The following XPNPEP2 variants were observed in gnomAD, a reference collection of about 807,000 sequenced individuals.
XPNPEP2 encodes X-prolyl aminopeptidase 2, also known as xaa-Pro aminopeptidase 2.
In XPNPEP2, 64 loss-of-function variants were observed where a neutral mutation model predicts 59.8. The observed-to-expected ratio is 1.07, with a 90% CI of 0.87 to 1.32. The LOEUF (loss-of-function observed/expected upper bound fraction) is 1.32, where lower values mean the gene tolerates loss of function less well. Among genes scored for constraint, XPNPEP2 ranks in the 40% most tolerant of loss-of-function variants. The pLI, the probability that XPNPEP2 is intolerant of heterozygous loss-of-function variation, is 0.00. For missense variants in XPNPEP2, 575 were observed against 546.8 expected (o/e 1.05, Z -0.51); for synonymous variants, 235 against 210.0 (o/e 1.12, Z -1.03).
intron 19 of XPNPEP2, among the ~76,000 whole-genome samples, chrX:129,765,244 T>C: frequency 9.0e-6 from 1 of 111,679 alleles, no homozygotes; most frequent in Non-Finnish European, 1.9e-5. Flanking sequence ...GAGCCTATAG[T>C]ATGTGGATGT....
Position 129,768,601 on chromosome X carries a change from C to T in XPNPEP2, c.*116C>T. Reference sequence around the variant, plus strand: ...CCCTGCTGGCCCATTGCCTAGAAACCTTTGCATTCATCCTCCTTCTCCAAG... The same window carrying T: ...CCCTGCTGGCCCATTGCCTAGAAACTTTTGCATTCATCCTCCTTCTCCAAG... On this transcript the variant is annotated 3_prime_UTR_variant, in exon 21 of 21. Transcript: ENST00000371106. 1 of 657,638 alleles carries T rather than the reference C, an allele frequency of 1.5e-6. No individual in the cohort carries two copies. Among genetic ancestry groups the T allele is most frequent in the South Asian group, 5.1e-5 (1 of 19,764 alleles). 54.2% of individuals were successfully genotyped at this position (657,638 alleles called of 1,213,427 possible).
chrX:129,755,598 G>A (rs1024345464), intron 13 of XPNPEP2, among the ~76,000 whole-genome samples: 1 of 112,160 alleles, frequency 8.9e-6, no homozygotes, highest in South Asian at 3.7e-4. Flanking sequence ...GGAAGACACC[G>A]ATGCCATTGG....
rs146126448 is a variant in XPNPEP2, at chrX:129,745,959, G to A, written c.299-277G>A. Among the ~76,000 whole-genome samples the A allele has an allele frequency of 2.6e-4, 29 of 111,152 alleles. No individual in the cohort carries two copies. The East Asian group carries it at 4.0e-3, about 15-fold the overall frequency. On this transcript the variant is annotated intron_variant, in intron 4 of 20. Coordinates refer to ENST00000371106, the MANE Select transcript of XPNPEP2 (RefSeq NM_003399.6). ...GCTGAGCCCCATCTTTCCTGAGAGCGCCTACATGCAGCCAAAAGTTGACCT... is the reference window on the plus strand; with the variant it reads ...GCTGAGCCCCATCTTTCCTGAGAGCACCTACATGCAGCCAAAAGTTGACCT...
At chrX:129,765,292 G>T (rs1926728387) in intron 19 of XPNPEP2, among the ~76,000 whole-genome samples, 2 of 111,733 alleles carry the variant, frequency 1.8e-5, no homozygotes, top group African/African-American at 6.5e-5. Context: ...TATTGAGGCT[G>T]TTTCCAAATT....
chrX:129,750,038 A>G (rs1346119449), intron 7 of XPNPEP2, among the ~76,000 whole-genome samples: 2 of 113,044 alleles, frequency 1.8e-5, no homozygotes, highest in East Asian at 5.5e-4. Flanking sequence ...TCCTTCAACT[A>G]GGACTGCTCT....
At position 129,752,342 on chromosome X, in the gene XPNPEP2, C is replaced by A; in HGVS notation, c.1014C>A (p.Pro338=). The change falls in exon 10 of 21, where the codon CCC becomes CCA. Residue 338 remains proline, a synonymous_variant. Transcript: ENST00000371106. ...TGTATGGGATCTATGAAATGATACC[C>A]AAGGTGGGTTTGCCAGGCCCCAGCC... ...YTMYGIYEMI[P]KEKLVTDTYS... is the part of the protein sequence containing the mutation. 8.3e-7 allele frequency: 1 copy of A among 1,209,624 alleles called. No individual in the cohort carries two copies. Among genetic ancestry groups the A allele is most frequent in the African/African-American group, 1.7e-5 (1 of 57,734 alleles).
chrX:129,743,988 A>T lies in XPNPEP2; in HGVS notation c.151A>T (p.Thr51Ser). Residue 51 changes from threonine (T) to serine (S), a missense_variant, in exon 3 of 21, where the codon ACA (threonine) becomes TCA (serine). Coordinates refer to ENST00000371106, the MANE Select transcript of XPNPEP2 (RefSeq NM_003399.6). Reference protein sequence around the residue: ...PYLPVTVVNTTMSLTALRQQM... With the variant: ...PYLPVTVVNTSMSLTALRQQM... Reference sequence around the variant, plus strand: ...CCTTCCAGTTACTGTGGTCAATACCACAATGTCACTCACAGCCCTCCGCCA... The same window carrying T: ...CCTTCCAGTTACTGTGGTCAATACCTCAATGTCACTCACAGCCCTCCGCCA... 1 of 1,211,867 alleles carries T rather than the reference A, an allele frequency of 8.3e-7. No individual in the cohort carries two copies. The highest frequency in any genetic ancestry group is 1.8e-5 in the South Asian group (1 of 56,996).
chrX:129,742,958 G>C (rs1321738409), intron 2 of XPNPEP2, among the ~76,000 whole-genome samples: 1 of 111,849 alleles, frequency 8.9e-6, no homozygotes, highest in East Asian at 2.8e-4. Flanking sequence ...GGGCAAGAGA[G>C]GGAGGCCTAG....
chrX:129,760,139 A>C (rs1569477512), intron 15 of XPNPEP2, among the ~76,000 whole-genome samples: 1 of 112,591 alleles, frequency 8.9e-6, no homozygotes, highest in Admixed American at 9.4e-5. Context: ...ATCGCAGATA[A>C]GGAAACTGAG....
Position 129,745,226 on chromosome X carries a change from C to G in XPNPEP2, c.258C>G (p.Asp86Glu), listed in dbSNP as rs143695947. Reference sequence around the variant, plus strand: ...AGAACGAGTACATCGGCCAACATGACGAGAGGCGTGCGTGGATTACAGGCT... The same window carrying G: ...AGAACGAGTACATCGGCCAACATGAGGAGAGGCGTGCGTGGATTACAGGCT... ...AHMNEYIGQHDERRAWITGFT... is the reference protein window; with the variant it reads ...AHMNEYIGQHEERRAWITGFT... Residue 86 changes from aspartate to glutamate, a missense_variant, in exon 4 of 21, where the codon GAC (aspartate) becomes GAG (glutamate). By Grantham distance (45) the Asp-to-Glu change is conservative. Transcript: ENST00000371106. 8.3e-7 allele frequency: 1 copy of G among 1,209,505 alleles called. No homozygotes were observed. Among genetic ancestry groups the G allele is most frequent in the Non-Finnish European group, 1.1e-6 (1 of 895,150 alleles).
chrX:129,756,831 T>C (rs1013389771), intron 14 of XPNPEP2, among the ~76,000 whole-genome samples: 12 of 103,434 alleles, frequency 1.2e-4, no homozygotes, highest in Non-Finnish European at 1.9e-4. Flanking sequence ...TTTTTGTGGG[T>C]TGTTTGTTTG....
chrX:129,754,403 C>G, intron 11 of XPNPEP2, 69 bp from the exon 12 acceptor site: 13 of 985,656 alleles, frequency 1.3e-5, no homozygotes, highest in Middle Eastern at 3.5e-4. Flanking sequence ...TGATCTCCAT[C>G]ATCTTGGAGC....
At chrX:129,757,796 GAAGA>G (rs57433903) in intron 14 of XPNPEP2, among the ~76,000 whole-genome samples, 4,409 of 33,424 alleles carry the variant, frequency 0.13, 307 homozygotes, top group Middle Eastern at 0.15. Flanking sequence ...ACTATAAAAG[GAAGA>G]AAGAAAGAAA....
chrX:129,757,260 T>C (rs773416864), intron 14 of XPNPEP2, among the ~76,000 whole-genome samples: 26 of 107,664 alleles, frequency 2.4e-4, no homozygotes, highest in Non-Finnish European at 4.6e-4. Flanking sequence ...TAAGTCCACG[T>C]ATTATTACAC....
In XPNPEP2 at chrX:129,746,228, T is replaced by C. The variant is rs1379531105; in HGVS notation, c.299-8T>C. 4.1e-6 allele frequency: 5 copies of C among 1,206,895 alleles called. No homozygotes were observed. In the African/African-American group the frequency reaches 7.0e-5, roughly 17 times the overall value. The stretch of plus-strand genomic sequence containing the variant: ...CCCTCACCTGCAAGTTTCTCTGTTC[T>C]GCCCCAGGAACTGCAGTGGTGACTA... On this transcript the variant is annotated splice_polypyrimidine_tract_variant and splice_region_variant and intron_variant, in intron 4 of 20. Transcript: ENST00000371106.
intron 14 of XPNPEP2, among the ~76,000 whole-genome samples, chrX:129,757,071 CAT>C (rs1247204801): frequency 8.2e-5 from 8 of 97,809 alleles, no homozygotes; most frequent in Middle Eastern, 5.1e-3. Context: ...TATACACACA[CAT>C]ACACACACAC....
rs746338855 is a variant in XPNPEP2, at chrX:129,768,673, C to T, written c.*188C>T. 107 of 372,629 alleles carry T rather than the reference C, an allele frequency of 2.9e-4. No individual in the cohort carries two copies. The highest frequency in any genetic ancestry group is 2.5e-3 in the African/African-American group (97 of 38,191). 30.7% of individuals were successfully genotyped at this position (372,629 alleles called of 1,213,427 possible). On this transcript the variant is annotated 3_prime_UTR_variant, in exon 21 of 21. Coordinates refer to ENST00000371106, the MANE Select transcript of XPNPEP2 (RefSeq NM_003399.6). Reference sequence around the variant, plus strand: ...CCCCAGGAACACAGGGCTTCTTGGCCCCAGATGGCACCTCCCTGCACCCCG... The same window carrying T: ...CCCCAGGAACACAGGGCTTCTTGGCTCCAGATGGCACCTCCCTGCACCCCG...
At position 129,747,500 on chromosome X, in the gene XPNPEP2, G is replaced by A. The variant is rs1926320485; in HGVS notation, c.491-107G>A. ...TGCTGGGGCAGGCTCCGGGCAGCTGGGCTGCAAAGGGAGGCAAAGGGAACC... is the reference window on the plus strand; with the variant it reads ...TGCTGGGGCAGGCTCCGGGCAGCTGAGCTGCAAAGGGAGGCAAAGGGAACC... On this transcript the variant is annotated intron_variant, in intron 6 of 20. Coordinates refer to ENST00000371106, the MANE Select transcript of XPNPEP2 (RefSeq NM_003399.6). 8.2e-6 allele frequency: 9 copies of A among 1,094,435 alleles called. No individual in the cohort carries two copies. The Admixed American group carries it at 1.9e-4, about 23-fold the overall frequency. 90.2% of individuals were successfully genotyped at this position (1,094,435 alleles called of 1,213,427 possible).
intron 9 of XPNPEP2, 105 bp downstream of exon 9, chrX:129,751,931 C>A: frequency 1.1e-6 from 1 of 890,398 alleles, no homozygotes; most frequent in Non-Finnish European, 1.6e-6. Context: ...GGCTGCCCAT[C>A]AGCTCGGCGC....
Sources: gnomAD v4.1 joint callset for allele counts (sites outside exome capture counted in the v4.1 genomes callset) on GRCh38, gnomAD v4.1.1 for gene constraint, MANE v1.5 for transcripts, NCBI Gene and HGNC (gene_info 2026-07-23, HGNC 2026-07-21) for gene names.